CDH12: variants seen among roughly 807,000 people sequenced by gnomAD.
The protein encoded by CDH12 is cadherin-12.
A neutral mutation model predicts 74.1 loss-of-function variants in CDH12; 41 were observed. The observed-to-expected ratio is 0.55, with a 90% confidence interval of 0.43 to 0.72. The LOEUF (loss-of-function observed/expected upper bound fraction) is 0.72, where lower values mean the gene tolerates loss of function less well. Among genes scored for constraint, CDH12 ranks in the 30% least tolerant of loss-of-function variants. The pLI, the probability that CDH12 is intolerant of heterozygous loss-of-function variation, is 0.00. For synonymous variants in CDH12, 399 were observed against 355.0 expected, an observed-to-expected ratio of 1.12 and a Z score of -1.39; for missense variants, 945 against 977.2, an observed-to-expected ratio of 0.97 and a Z score of 0.44.
chr5:22,225,160 G>C (rs775812960), intron 3 of CDH12, among the ~76,000 whole-genome samples: 6 of 151,990 alleles, frequency 3.9e-5, no homozygotes, highest in Non-Finnish European at 8.8e-5. Flanking sequence ...CTCTGTCTGT[G>C]ACATTCCCAG....
At chr5:21,898,802 G>C (rs979971063) in intron 6 of CDH12, among the ~76,000 whole-genome samples, 2 of 152,080 alleles carry the variant, frequency 1.3e-5, no homozygotes, top group Admixed American at 6.6e-5. Context: ...ATTCAGAAAG[G>C]AGTCAAGCTG....
At chr5:21,885,558 C>A (rs1430763936) in intron 6 of CDH12, among the ~76,000 whole-genome samples, 2 of 152,234 alleles carry the variant, frequency 1.3e-5, no homozygotes, top group African/African-American at 4.8e-5. Flanking sequence ...GAGCCCATAA[C>A]CCAGATAATA....
intron 10 of CDH12, among the ~76,000 whole-genome samples, chr5:21,797,487 A>T (rs1381602512): frequency 6.6e-6 from 1 of 152,100 alleles, no homozygotes; most frequent in African/African-American, 2.4e-5. Flanking sequence ...CACTCCAAGG[A>T]CATGGAACAA....
intron 2 of CDH12, among the ~76,000 whole-genome samples, chr5:22,423,893 C>T (rs1015702032): frequency 2.7e-5 from 4 of 148,842 alleles, no homozygotes; most frequent in Admixed American, 6.8e-5. Flanking sequence ...GTCCCGGCTA[C>T]TTGGGTGGCT....
In CDH12 at chr5:22,658,911, AG is replaced by A. The variant is rs749744528; in HGVS notation, c.-522-153548del. Among the ~76,000 whole-genome samples the A allele has an allele frequency of 1.9e-3, 292 of 151,780 alleles. 1 individual carries two copies. The highest frequency in any genetic ancestry group is 4.3e-3 in the Admixed American group (66 of 15,272). ...TACTTTCGTCAAGGCAAAGGCTTAT[AG>A]GGGGGGATGTATTTTATTTTTCATT... On this transcript the variant is annotated intron_variant, in intron 1 of 14. Transcript: ENST00000382254.
At chr5:22,325,905 C>T (rs1226247779) in intron 3 of CDH12, among the ~76,000 whole-genome samples, 1 of 151,904 alleles carries the variant, frequency 6.6e-6, no homozygotes, top group Non-Finnish European at 1.5e-5. Flanking sequence ...GAGACTCCGT[C>T]TCAGAACAAC....
intron 4 of CDH12, among the ~76,000 whole-genome samples, chr5:22,150,754 A>T (rs1352134819): frequency 6.6e-6 from 1 of 152,218 alleles, no homozygotes; most frequent in Non-Finnish European, 1.5e-5. Context: ...ACCTGTGCTT[A>T]GATATTCTAA....
At chr5:22,467,177 A>C (rs190585140) in intron 2 of CDH12, among the ~76,000 whole-genome samples, 201 of 152,242 alleles carry the variant, frequency 1.3e-3, no homozygotes, top group African/African-American at 4.5e-3. Flanking sequence ...CCTAAGCCTC[A>C]TACTGGCATG....
Position 22,126,003 on chromosome 5 carries a change from G to C in CDH12, c.-186-47141C>G, listed in dbSNP as rs553613317. 1.2e-4 allele frequency among the ~76,000 whole-genome samples: 18 copies of C among 146,284 alleles called. No homozygotes were observed. In the South Asian group the frequency reaches 3.5e-3, roughly 29 times the overall value. ...CTATTGTGTATTTCATTCATTTTGG[G>C]GGGGGGACAAATTCTACAAACTGCT... On this transcript the variant is annotated intron_variant, in intron 4 of 14. Transcript: ENST00000382254.
chr5:22,303,294 C>T (rs1334221648), intron 3 of CDH12, among the ~76,000 whole-genome samples: 2 of 151,730 alleles, frequency 1.3e-5, no homozygotes, highest in Non-Finnish European at 2.9e-5. Context: ...CATAAAAAGT[C>T]CATTCAATAA....
In CDH12 at chr5:21,855,534, C is replaced by T. The variant is rs1750708703; in HGVS notation, c.527-744G>A. 2.0e-5 allele frequency among the ~76,000 whole-genome samples: 3 copies of T among 150,566 alleles called. No individual in the cohort carries two copies. In the South Asian group the frequency reaches 6.3e-4, roughly 31 times the overall value. On this transcript the variant is annotated intron_variant, in intron 6 of 14. Transcript: ENST00000382254. ...CTAAAAACTTTTAAAGTGAGTATCT[C>T]TTCCTAATATCCTGTTCAAGTTACT...
intron 1 of CDH12, among the ~76,000 whole-genome samples, chr5:22,802,850 G>A (rs540144488): frequency 5.3e-4 from 80 of 152,196 alleles, no homozygotes; most frequent in African/African-American, 1.9e-3. Context: ...GCCGAGTTTG[G>A]AAATATATAC....
intron 4 of CDH12, among the ~76,000 whole-genome samples, chr5:22,093,032 G>A (rs531859435): frequency 6.6e-6 from 1 of 152,210 alleles, no homozygotes; most frequent in African/African-American, 2.4e-5. Context: ...TTGCAGCATG[G>A]GGCTGATGAT....
intron 1 of CDH12, among the ~76,000 whole-genome samples, chr5:22,629,671 G>A (rs1278406948): frequency 6.6e-6 from 1 of 151,984 alleles, no homozygotes; most frequent in Non-Finnish European, 1.5e-5. Flanking sequence ...ATGAGCAAAA[G>A]GTGGAAGCAT....
Position 22,164,620 on chromosome 5 carries a change from C to G in CDH12, c.-187+47878G>C, listed in dbSNP as rs139502154. The stretch of plus-strand genomic sequence containing the variant: ...CAGAGCTCCTGTACGAGGAGGGGAC[C>G]CCAAGGGGGTTGCCTTTGCTGGCTC... On this transcript the variant is annotated intron_variant, in intron 4 of 14. Coordinates refer to ENST00000382254, the MANE Select transcript of CDH12 (RefSeq NM_004061.5). 5.2e-3 allele frequency among the ~76,000 whole-genome samples: 789 copies of G among 152,280 alleles called. 11 individuals are homozygous for G. The highest frequency in any genetic ancestry group is 0.018 in the African/African-American group (761 of 41,554).
chr5:22,780,039 G>A (rs966113218), intron 1 of CDH12, among the ~76,000 whole-genome samples: 2 of 152,086 alleles, frequency 1.3e-5, no homozygotes, highest in Non-Finnish European at 2.9e-5. Context: ...TGGTGGCTTT[G>A]GTTTTTAAAA....
At chr5:22,470,488 A>G (rs1459928698) in intron 2 of CDH12, among the ~76,000 whole-genome samples, 1 of 151,928 alleles carries the variant, frequency 6.6e-6, no homozygotes. Flanking sequence ...GCGTGATCAT[A>G]GCTCACTGCA....
intron 4 of CDH12, among the ~76,000 whole-genome samples, chr5:22,164,246 C>T (rs4282282): frequency 0.36 from 55,212 of 152,012 alleles, 11,297 homozygotes; most frequent in Admixed American, 0.48. Flanking sequence ...GGAATGGAAT[C>T]TTGGGCCATG....
chr5:21,765,389 C>A (rs1744964986), intron 11 of CDH12, among the ~76,000 whole-genome samples: 1 of 151,948 alleles, frequency 6.6e-6, no homozygotes, highest in African/African-American at 2.4e-5. Context: ...CAGAACCAAT[C>A]CTTACCAACA....
Sources: allele counts gnomAD v4.1 joint callset (sites outside exome capture counted in the v4.1 genomes callset), GRCh38; gene constraint gnomAD v4.1.1; transcripts MANE v1.5; gene names NCBI Gene and HGNC (gene_info 2026-07-23, HGNC 2026-07-21).